Variants in ADAMTSL3 observed in about 807,000 individuals in gnomAD.
ADAMTSL3 encodes the protein ADAMTS-like protein 3.
Under a neutral mutation model 201.7 loss-of-function variants are expected in ADAMTSL3, and 128 were observed. The ratio of observed to expected loss-of-function variants is 0.63; its 90% CI spans 0.55 to 0.73. The LOEUF (loss-of-function observed/expected upper bound fraction) is 0.73. Among genes scored for constraint, ADAMTSL3 ranks in the 30% least tolerant of loss-of-function variants. The pLI, the probability that ADAMTSL3 is intolerant of heterozygous loss-of-function variation, is 0.00. For synonymous variants in ADAMTSL3, 738 were observed against 748.4 expected, an observed-to-expected ratio of 0.99 and a Z score of 0.23; for missense variants, 1,990 against 2,119.6, an observed-to-expected ratio of 0.94 and a Z score of 1.20.
At chr15:83,873,333 T>G (rs755375656) in intron 9 of ADAMTSL3, among the ~76,000 whole-genome samples, 1 of 145,134 alleles carries the variant, frequency 6.9e-6, no homozygotes, top group Non-Finnish European at 1.5e-5. Context: ...AAATAAATAA[T>G]AAAAAGTAAA....
rs150526734 is a variant in ADAMTSL3, at chr15:84,003,760, C to T, written c.3974-10782C>T. Among the ~76,000 whole-genome samples, 446 of 152,296 alleles carry T rather than the reference C, an allele frequency of 2.9e-3. 4 individuals carry two copies. The highest frequency in any genetic ancestry group is 0.01 in the African/African-American group (428 of 41,550). Reference sequence around the variant, plus strand: ...GGTTCTGTGTGCTGAGACCCCCAGGCAGCAGCAGAGAGCACAGGACAAGTG... The same window carrying T: ...GGTTCTGTGTGCTGAGACCCCCAGGTAGCAGCAGAGAGCACAGGACAAGTG... On this transcript the variant is annotated intron_variant, in intron 23 of 29. Coordinates refer to ENST00000286744, the MANE Select transcript of ADAMTSL3 (RefSeq NM_207517.3).
At chr15:83,844,362 T>A (rs1235491429) in intron 7 of ADAMTSL3, among the ~76,000 whole-genome samples, 1 of 152,226 alleles carries the variant, frequency 6.6e-6, no homozygotes, top group Non-Finnish European at 1.5e-5. Flanking sequence ...CCACTGTTCA[T>A]TTCTCCTTTG....
At chr15:83,818,315 A>G (rs1269539734) in intron 5 of ADAMTSL3, among the ~76,000 whole-genome samples, 2 of 152,164 alleles carry the variant, frequency 1.3e-5, no homozygotes, top group African/African-American at 4.8e-5. Context: ...AAAATACTTT[A>G]TGGTGTGGTT....
chr15:83,718,070 G>T (rs908436005), intron 3 of ADAMTSL3, among the ~76,000 whole-genome samples: 1 of 152,148 alleles, frequency 6.6e-6, no homozygotes, highest in African/African-American at 2.4e-5. Flanking sequence ...TGAATTGTAA[G>T]TATCTGTAAA....
intron 2 of ADAMTSL3, 39 bp from the exon 3 acceptor site, chr15:83,704,350 C>T: frequency 1.2e-6 from 2 of 1,613,800 alleles, no homozygotes; most frequent in Non-Finnish European, 1.7e-6. Context: ...GGGGTCCTTA[C>T]TGGAGCCTTA....
intron 5 of ADAMTSL3, among the ~76,000 whole-genome samples, chr15:83,811,072 C>T (rs2063687913): frequency 2.0e-5 from 3 of 152,142 alleles, no homozygotes; most frequent in African/African-American, 4.8e-5. Flanking sequence ...CTTCCTGTGA[C>T]CACAGCTGGG....
intron 3 of ADAMTSL3, among the ~76,000 whole-genome samples, chr15:83,739,167 T>G (rs1361812667): frequency 6.6e-6 from 1 of 151,944 alleles, no homozygotes; most frequent in Non-Finnish European, 1.5e-5. Flanking sequence ...CTAAATGCTT[T>G]TTATAAGGGG....
At chr15:83,969,309 T>G (rs2067149669) in intron 19 of ADAMTSL3, among the ~76,000 whole-genome samples, 1 of 151,706 alleles carries the variant, frequency 6.6e-6, no homozygotes, top group Non-Finnish European at 1.5e-5. Context: ...CAGGGTGCAG[T>G]GGTGGGCGCC....
At chr15:84,016,233 C>A in intron 24 of ADAMTSL3, 150 bp from the exon 25 acceptor site, 1 of 629,344 alleles carries the variant, frequency 1.6e-6, no homozygotes. Flanking sequence ...TACACACCTC[C>A]CAGACCTGTG....
intron 3 of ADAMTSL3, among the ~76,000 whole-genome samples, chr15:83,747,468 A>G (rs1191493377): frequency 2.6e-5 from 4 of 152,136 alleles, no homozygotes; most frequent in African/African-American, 9.7e-5. Context: ...CCTCTCAGGT[A>G]CCCATCCAGA....
intron 27 of ADAMTSL3, among the ~76,000 whole-genome samples, chr15:84,030,835 G>A (rs2068395247): frequency 6.6e-6 from 1 of 152,162 alleles, no homozygotes; most frequent in Admixed American, 6.5e-5. Flanking sequence ...GAGGCAGTTG[G>A]ATCATGGCGA....
At chr15:83,857,378 A>T (rs1426473196) in intron 7 of ADAMTSL3, among the ~76,000 whole-genome samples, 1 of 152,152 alleles carries the variant, frequency 6.6e-6, no homozygotes, top group Non-Finnish European at 1.5e-5. Context: ...CATATCCAAG[A>T]TACCACTGCC....
intron 28 of ADAMTSL3, among the ~76,000 whole-genome samples, chr15:84,033,953 A>T (rs149077429): frequency 1.3e-5 from 2 of 152,220 alleles, no homozygotes; most frequent in African/African-American, 4.8e-5. Context: ...ACTTTTTTTT[A>T]ATAATGGAAG....
chr15:83,788,748 C>T (rs1279271281), intron 4 of ADAMTSL3, among the ~76,000 whole-genome samples: 2 of 152,146 alleles, frequency 1.3e-5, no homozygotes, highest in Admixed American at 6.6e-5. Flanking sequence ...TCATTCTCTT[C>T]AGTCCTGAAA....
Position 83,872,627 on chromosome 15 carries a change from C to CACACACACACACAG in ADAMTSL3, c.960+1669_960+1670insCACACACACACAGA, listed in dbSNP as rs6145659. ...ACACACACACACACACACACACACA[C>CACACACACACACAG]AGAGTTTTTGTTCTCTTTTAATTAC... On this transcript the variant is annotated intron_variant, in intron 9 of 29. Coordinates refer to ENST00000286744, the MANE Select transcript of ADAMTSL3 (RefSeq NM_207517.3). Among the ~76,000 whole-genome samples the CACACACACACACAG allele has an allele frequency of 8.4e-3, 1,189 of 140,994 alleles. 44 individuals are homozygous for CACACACACACACAG. The highest frequency in any genetic ancestry group is 0.024 in the African/African-American group (878 of 35,944). The allele number at this position is 140,994 out of a possible 152,430, so 92.5% of individuals were successfully genotyped here.
intron 17 of ADAMTSL3, among the ~76,000 whole-genome samples, chr15:83,938,247 A>C (rs775707289): frequency 2.6e-5 from 4 of 152,044 alleles, no homozygotes; most frequent in Non-Finnish European, 4.4e-5. Flanking sequence ...TAGGTGATGC[A>C]CTCACCACCA....
intron 9 of ADAMTSL3, among the ~76,000 whole-genome samples, chr15:83,873,970 C>G (rs2065130306): frequency 6.9e-6 from 1 of 145,090 alleles, no homozygotes; most frequent in Admixed American, 6.7e-5. Context: ...GAAGATTTTC[C>G]AAATTGATTT....
intron 23 of ADAMTSL3, among the ~76,000 whole-genome samples, chr15:84,008,448 T>C (rs1345942699): frequency 6.6e-6 from 1 of 152,180 alleles, no homozygotes; most frequent in Non-Finnish European, 1.5e-5. Flanking sequence ...ACACTAGCAT[T>C]GGACAGTTGC....
chr15:83,801,658 ATATATATATAT>A lies in ADAMTSL3; in HGVS notation c.318-2991_318-2981del, dbSNP rs2063521138. Among the ~76,000 whole-genome samples, 67 of 68,830 alleles carry A rather than the reference ATATATATATAT, an allele frequency of 9.7e-4. 5 individuals carry two copies. The highest frequency in any genetic ancestry group is 2.5e-3 in the East Asian group (7 of 2,850). The allele number at this position is 68,830 out of a possible 152,430, so 45.2% of individuals were successfully genotyped here. ...TATAAATATATAAATATAAATATAT[ATATATATATAT>A]ATATATATATATATATATATATATA... On this transcript the variant is annotated intron_variant, in intron 4 of 29. Coordinates refer to ENST00000286744, the MANE Select transcript of ADAMTSL3 (RefSeq NM_207517.3).
Sources: gnomAD v4.1 joint callset for allele counts (sites outside exome capture counted in the v4.1 genomes callset) on GRCh38, gnomAD v4.1.1 for gene constraint, MANE v1.5 for transcripts, NCBI Gene and HGNC (gene_info 2026-07-23, HGNC 2026-07-21) for gene names.